The following NASP variants were observed in gnomAD, a reference collection of about 807,000 sequenced individuals.
The protein encoded by NASP is NASP histone chaperone.
A neutral mutation model predicts 89.5 loss-of-function variants in NASP; 24 were observed. That is an observed-to-expected ratio of 0.27 (90% CI 0.19 to 0.38). The LOEUF (loss-of-function observed/expected upper bound fraction) is 0.38, where lower values mean the gene tolerates loss of function less well. NASP is among the 10% of genes least tolerant of loss of function. The probability of loss-of-function intolerance (pLI) is 1.00; values close to 1 mark genes in which losing one functional copy is unlikely to be tolerated. For synonymous variants in NASP, 306 were observed against 324.7 expected (o/e 0.94, Z 0.62); for missense variants, 848 against 921.4 (o/e 0.92, Z 1.03).
At chr1:45,600,494 C>T in intron 2 of NASP, 1 of 1,104,252 alleles carries the variant, frequency 9.1e-7, no homozygotes, top group Non-Finnish European at 1.2e-6. Context: ...TTCTTTGATT[C>T]AGCATAATTA....
rs1375366938 is a variant in NASP at position 45,599,951 on chromosome 1, G to GTTTTTTTTTTTTTTTTT, written c.108-2303_108-2302insTTTTTTTTTTTTTTTTT. Among the ~76,000 whole-genome samples, 12 of 101,940 alleles carry GTTTTTTTTTTTTTTTTT rather than the reference G, an allele frequency of 1.2e-4. 1 individual carries two copies. The highest frequency in any genetic ancestry group is 5.2e-4 in the African/African-American group (12 of 23,184). The allele number at this position is 101,940 out of a possible 152,430, so 66.9% of individuals were successfully genotyped here. Reference sequence around the variant, plus strand: ...CTCTGTCCTAGAGTGCTTTTCCTCTGTATTTTTTTTTTTTTTTTTTTTTTG... The same window carrying GTTTTTTTTTTTTTTTTT: ...CTCTGTCCTAGAGTGCTTTTCCTCTGTTTTTTTTTTTTTTTTTTATTTTTTTTTTTTTTTTTTTTTTG... On this transcript the variant is annotated intron_variant, in intron 2 of 14. Transcript: ENST00000350030.
chr1:45,585,229 C>T (rs139729088), intron 1 of NASP, among the ~76,000 whole-genome samples: 2 of 152,174 alleles, frequency 1.3e-5, no homozygotes, highest in Non-Finnish European at 2.9e-5. Flanking sequence ...ATTTCCCAAT[C>T]TTGCCATATT....
At chr1:45,609,891 A>G (rs1312623056) in intron 6 of NASP, 3 of 152,074 alleles carry the variant, frequency 2.0e-5, no homozygotes, top group Admixed American at 2.0e-4. Context: ...TCCTTTTCCT[A>G]CACCCACTGC....
intron 1 of NASP, among the ~76,000 whole-genome samples, chr1:45,584,673 G>C (rs984964339): frequency 6.6e-6 from 1 of 152,154 alleles, no homozygotes; most frequent in Non-Finnish European, 1.5e-5. Flanking sequence ...TGGACCTGAG[G>C]GGTCGGGGTG....
At chr1:45,585,306 G>C (rs1003967303) in intron 1 of NASP, among the ~76,000 whole-genome samples, 1 of 151,988 alleles carries the variant, frequency 6.6e-6, no homozygotes, top group Non-Finnish European at 1.5e-5. Flanking sequence ...TGCCTTCCCT[G>C]TAAAAGGAAT....
intron 10 of NASP, 30 bp from the exon 11 acceptor site, chr1:45,615,275 A>T (rs1972410): frequency 6.2e-6 from 10 of 1,611,198 alleles, no homozygotes; most frequent in South Asian, 4.4e-5. Flanking sequence ...TTCTTTTTTG[A>T]GCCATTACTA....
chr1:45,585,006 G>A (rs2148319491), intron 1 of NASP, among the ~76,000 whole-genome samples: 1 of 152,332 alleles, frequency 6.6e-6, no homozygotes, highest in African/African-American at 2.4e-5. Flanking sequence ...AGCGTCTTCA[G>A]GAAGCGCTGT....
chr1:45,615,528 C>G, intron 11 of NASP, 57 bp downstream of exon 11: 1 of 1,514,430 alleles, frequency 6.6e-7, no homozygotes, highest in Non-Finnish European at 8.9e-7. Context: ...TGTTAATGTT[C>G]TATTTGCCAG....
intron 2 of NASP, among the ~76,000 whole-genome samples, chr1:45,597,723 A>G (rs1480751200): frequency 6.6e-6 from 1 of 152,222 alleles, no homozygotes; most frequent in African/African-American, 2.4e-5. Context: ...GTAACAGTGT[A>G]AAGGATCCTG....
chr1:45,586,284 G>GGTGTGTGTGTGTGT (rs202167906), intron 1 of NASP, among the ~76,000 whole-genome samples: 1 of 100,472 alleles, frequency 1.0e-5, no homozygotes, highest in African/African-American at 4.5e-5. Context: ...GTGTGTGTGT[G>GGTGTGTGTGTGTGT]GTGTGTGTGT....
rs1355478708 is a variant in NASP, at chr1:45,615,690, C to T, written c.2022+219C>T. ...TACGTGTGGCCATGGGCCTTTCTCT[C>T]CCTCAGTTGACCGATTTGTAAAATG... is the stretch of plus-strand genomic sequence containing the variant. On this transcript the variant is annotated intron_variant, in intron 11 of 14. Coordinates refer to ENST00000350030, the MANE Select transcript of NASP (RefSeq NM_002482.4). 3 of 500,238 alleles carry T rather than the reference C, an allele frequency of 6.0e-6. No homozygotes were observed. In the South Asian group the frequency reaches 8.2e-5, roughly 14 times the overall value. The allele number at this position is 500,238 out of a possible 1,614,324, so 31.0% of individuals were successfully genotyped here.
chr1:45,602,421 T>TA, intron 3 of NASP, 56 bp downstream of exon 3: 1 of 1,485,774 alleles, frequency 6.7e-7, no homozygotes, highest in Admixed American at 2.1e-5. Flanking sequence ...AACCTTGAGT[T>TA]ATCAAAAATT....
chr1:45,617,672 G>GCTCCC, intron 14 of NASP, 81 bp downstream of exon 14: 1 of 1,451,934 alleles, frequency 6.9e-7, no homozygotes, highest in Non-Finnish European at 9.2e-7. Context: ...TCAAGTGCAT[G>GCTCCC]CTCCCCACCT....
At chr1:45,616,190 G>A in intron 11 of NASP, 147 bp from the exon 12 acceptor site, 1 of 701,680 alleles carries the variant, frequency 1.4e-6, no homozygotes. Flanking sequence ...GGCATAGGTG[G>A]GCCAGGGGTA....
At chr1:45,586,710 C>T (rs1227949270) in intron 1 of NASP, among the ~76,000 whole-genome samples, 2 of 151,996 alleles carry the variant, frequency 1.3e-5, no homozygotes, top group African/African-American at 2.4e-5. Flanking sequence ...TTTATAAGGT[C>T]CTCATGTTTA....
chr1:45,615,290 C>T lies in NASP; in HGVS notation c.1856-15C>T. ...TTCTTTTTTGAGCCATTACTAATCA[C>T]TTTATTCTTTTTAGCTGTACTAAAC... On this transcript the variant is annotated splice_polypyrimidine_tract_variant and intron_variant, in intron 10 of 14. Transcript: ENST00000350030. 1 of 1,613,060 alleles carries T rather than the reference C, an allele frequency of 6.2e-7. No homozygotes were observed. The highest frequency in any genetic ancestry group is 8.5e-7 in the Non-Finnish European group (1 of 1,179,602).
Position 45,614,110 on chromosome 1 carries a change from T to TGAG in NASP, c.1531_1533dup (p.Glu511dup), listed in dbSNP as rs778628578. ...TTATACTTTAGTCTCTTCAAGAAAATGAGGAGGAGGAGATTGGGAACCTAG... is the reference window on the plus strand; with the variant it reads ...TTATACTTTAGTCTCTTCAAGAAAATGAGGAGGAGGAGGAGATTGGGAACCTAG... On this transcript the variant is annotated inframe_insertion, in exon 8 of 15. Coordinates refer to ENST00000350030, the MANE Select transcript of NASP (RefSeq NM_002482.4). 1.9e-6 allele frequency: 3 copies of TGAG among 1,602,744 alleles called. No individual in the cohort carries two copies. The highest frequency in any genetic ancestry group is 2.6e-6 in the Non-Finnish European group (3 of 1,169,714).
At chr1:45,612,936 C>A in intron 6 of NASP, 1 of 388,294 alleles carries the variant, frequency 2.6e-6, no homozygotes. Flanking sequence ...AAACACTCAG[C>A]CTTTTAATTG....
Position 45,592,137 on chromosome 1 carries a change from A to C in NASP, c.107+867A>C, listed in dbSNP as rs185128340. ...GTAGCTGGGATTACAGGCGGGTGCC[A>C]CTACACCCAGCTAATTTTTCTATTT... On this transcript the variant is annotated intron_variant, in intron 2 of 14. Transcript: ENST00000350030. Among the ~76,000 whole-genome samples, 485 of 152,204 alleles carry C rather than the reference A, an allele frequency of 3.2e-3. 2 individuals are homozygous for C. Among genetic ancestry groups the C allele is most frequent in the Admixed American group, 0.014 (212 of 15,290 alleles).
Sources: allele counts gnomAD v4.1 joint callset (sites outside exome capture counted in the v4.1 genomes callset), GRCh38; gene constraint gnomAD v4.1.1; transcripts MANE v1.5; gene names NCBI Gene and HGNC (gene_info 2026-07-23, HGNC 2026-07-21).